The following IGFL3 variants were observed in gnomAD, a reference collection of about 807,000 sequenced individuals.
IGFL3 encodes the protein insulin growth factor-like family member 3.
In IGFL3, 12 loss-of-function variants were observed where a neutral mutation model predicts 17.0. That is an observed-to-expected ratio of 0.71 (90% CI 0.45 to 1.14). The LOEUF (loss-of-function observed/expected upper bound fraction) is 1.14. Ranked by LOEUF, IGFL3 falls within the 50% of genes most tolerant of loss-of-function variation. The probability of loss-of-function intolerance (pLI) is 0.00; values close to 1 mark genes in which losing one functional copy is unlikely to be tolerated. For synonymous variants in IGFL3, 52 were observed against 57.4 expected (o/e 0.91, Z 0.42); for missense variants, 153 against 151.6 (o/e 1.01, Z -0.05).
At chr19:46,123,826 C>G in intron 3 of IGFL3, 60 bp downstream of exon 3, 1 of 1,521,576 alleles carries the variant, frequency 6.6e-7, no homozygotes, top group Non-Finnish European at 8.9e-7. Flanking sequence ...CTCTTCAAGC[C>G]CTCTGTATCC....
rs879178151 is a variant in IGFL3 at position 46,124,341 on chromosome 19, G to C, written c.26-20C>G. ...CAAGAGCTAAGGGAGAAAGGAAAAA[G>C]GTTGAACATGGAGCTGAGAATGTGA... On this transcript the variant is annotated intron_variant, in intron 1 of 3. Transcript: ENST00000341415. The C allele has an allele frequency of 1.9e-6, 3 of 1,595,686 alleles. No homozygotes were observed. In the African/African-American group the frequency reaches 4.1e-5, roughly 22 times the overall value.
At position 46,123,996 on chromosome 19, in the gene IGFL3, C is replaced by T. The variant is rs1009215380; in HGVS notation, c.240G>A (p.Glu80=). The T allele has an allele frequency of 1.7e-5, 27 of 1,611,422 alleles. 1 individual carries two copies. The highest frequency in any genetic ancestry group is 2.2e-5 in the Non-Finnish European group (26 of 1,179,674). The change falls in exon 3 of 4, where the codon GAG becomes GAA. Residue 80 remains glutamate, a synonymous_variant. Transcript: ENST00000341415. ...GGCCAAAAGACTCGGGACAGCAGAG[C>T]TCAAAGCAGGGCCAGAAGGTGCAGG... is the stretch of plus-strand genomic sequence containing the variant. ...GSTCTFWPCF[E]LCCPESFGPQ...
intron 3 of IGFL3, among the ~76,000 whole-genome samples, chr19:46,123,526 A>T (rs1372915299): frequency 6.6e-6 from 1 of 150,854 alleles, no homozygotes; most frequent in African/African-American, 2.5e-5. Context: ...TATACTGTAT[A>T]TTATTATAAG....
chr19:46,123,770 C>A, intron 3 of IGFL3, 116 bp downstream of exon 3: 1 of 1,202,210 alleles, frequency 8.3e-7, no homozygotes, highest in Admixed American at 2.3e-5. Flanking sequence ...CCCCTGCTGC[C>A]ACCAGCCTGA....
In IGFL3 at chr19:46,120,330, T is replaced by C. The variant is rs777826347; in HGVS notation, c.378A>G (p.Ter126=). Residue 126 remains the stop codon, a stop_retained_variant, in exon 4 of 4, where the codon TAA becomes TAG. Transcript: ENST00000341415. ...CGTCTGCCAGTGGAGCCTGGGGTTT[T>C]TATGGGTACAGGACGTGCCTCCTGT... ...TRNRRHVLYP[*] 6.2e-7 allele frequency: 1 copy of C among 1,611,116 alleles called. No individual in the cohort carries two copies. Among genetic ancestry groups the C allele is most frequent in the Admixed American group, 1.7e-5 (1 of 59,630 alleles).
At chr19:46,121,514 A>G (rs1258975973) in intron 3 of IGFL3, among the ~76,000 whole-genome samples, 3 of 150,628 alleles carry the variant, frequency 2.0e-5, no homozygotes, top group Admixed American at 6.6e-5. Context: ...CACTGAGAGG[A>G]GTAGTATTTT....
chr19:46,120,489 CAGA>C, intron 3 of IGFL3, 132 bp from the exon 4 acceptor site: 1 of 1,282,262 alleles, frequency 7.8e-7, no homozygotes, highest in Non-Finnish European at 1.1e-6. Flanking sequence ...TAGATATCAA[CAGA>C]AGGACACAGT....
rs750003199 is a variant in IGFL3, at chr19:46,120,296, C to T, written c.*34G>A. 3.7e-5 allele frequency: 59 copies of T among 1,610,228 alleles called. 2 individuals are homozygous for T. In the Admixed American group the frequency reaches 9.7e-4, roughly 27 times the overall value. On this transcript the variant is annotated 3_prime_UTR_variant, in exon 4 of 4. Coordinates refer to ENST00000341415, the MANE Select transcript of IGFL3 (RefSeq NM_207393.2). ...GTCCAGCTGCTTCGTCTCTTCTCCC[C>T]TTGTCTGCCGTCTGCCAGTGGAGCC...
intron 1 of IGFL3, 71 bp downstream of exon 1, chr19:46,124,554 A>T: frequency 7.2e-7 from 1 of 1,383,952 alleles, no homozygotes; most frequent in South Asian, 1.2e-5. Flanking sequence ...AAGAGGAATA[A>T]ATCGGGTTGA....
chr19:46,123,269 A>G (rs898587408), intron 3 of IGFL3, among the ~76,000 whole-genome samples: 2 of 150,896 alleles, frequency 1.3e-5, no homozygotes, highest in Non-Finnish European at 2.9e-5. Flanking sequence ...GTTTTTCTCC[A>G]GGTATCTTAC....
Position 46,120,184 on chromosome 19 carries a change from A to G in IGFL3, c.*146T>C, listed in dbSNP as rs1266559365. Reference sequence around the variant, plus strand: ...CTTCCCCTGAAGTCTGGCCATCCCCAGCTGGGCTCCTCTCCAAAGCTATGT... The same window carrying G: ...CTTCCCCTGAAGTCTGGCCATCCCCGGCTGGGCTCCTCTCCAAAGCTATGT... On this transcript the variant is annotated 3_prime_UTR_variant, in exon 4 of 4. Transcript: ENST00000341415. 8.5e-7 allele frequency: 1 copy of G among 1,175,314 alleles called. No individual in the cohort carries two copies. The highest frequency in any genetic ancestry group is 1.6e-5 in the African/African-American group (1 of 61,522). 72.8% of individuals were successfully genotyped at this position (1,175,314 alleles called of 1,614,324 possible). A position where few individuals can be genotyped will look rare whatever the true frequency, so the allele number is the denominator to read the frequency against.
Position 46,120,424 on chromosome 19 carries a change from A to G in IGFL3, c.351-67T>C. The G allele has an allele frequency of 1.9e-6, 3 of 1,602,548 alleles. No homozygotes were observed. In the South Asian group the frequency reaches 3.3e-5, roughly 18 times the overall value. On this transcript the variant is annotated intron_variant, in intron 3 of 3. Coordinates refer to ENST00000341415, the MANE Select transcript of IGFL3 (RefSeq NM_207393.2). Reference sequence around the variant, plus strand: ...TTCTCAGGAAAAAATTATCCCCTACAAAAGCAATTTTAACAAACTTGACTT... The same window carrying G: ...TTCTCAGGAAAAAATTATCCCCTACGAAAGCAATTTTAACAAACTTGACTT...
In IGFL3 at chr19:46,124,683, A is replaced by C; in HGVS notation, c.-34T>G. ...AGATGCTCTAGGAGAATTGAAGAAG[A>C]GTGGTAAAAGGCTGGAACTTATGGA... On this transcript the variant is annotated 5_prime_UTR_variant, in exon 1 of 4. Coordinates refer to ENST00000341415, the MANE Select transcript of IGFL3 (RefSeq NM_207393.2). 1 of 1,597,534 alleles carries C rather than the reference A, an allele frequency of 6.3e-7. No individual in the cohort carries two copies. The highest frequency in any genetic ancestry group is 2.3e-5 in the East Asian group (1 of 44,236).
intron 3 of IGFL3, among the ~76,000 whole-genome samples, chr19:46,120,644 G>A (rs1971709289): frequency 6.6e-6 from 1 of 150,908 alleles, no homozygotes; most frequent in Non-Finnish European, 1.5e-5. Flanking sequence ...CAATGCAATA[G>A]AAATCTGAAA....
At chr19:46,122,539 A>G (rs1448026724) in intron 3 of IGFL3, among the ~76,000 whole-genome samples, 4 of 151,076 alleles carry the variant, frequency 2.6e-5, no homozygotes, top group South Asian at 2.1e-4. Context: ...TTTTAGCACA[A>G]GGACTTTAGA....
chr19:46,121,287 C>CCGAG (rs775095032), intron 3 of IGFL3, among the ~76,000 whole-genome samples: 24 of 149,190 alleles, frequency 1.6e-4, no homozygotes, highest in Non-Finnish European at 3.2e-4. Flanking sequence ...ACTCAGGAGA[C>CCGAG]CGAGGTAGGA....
Position 46,120,203 on chromosome 19 carries a change from G to A in IGFL3, c.*127C>T, listed in dbSNP as rs1288061081. 6 of 1,410,900 alleles carry A rather than the reference G, an allele frequency of 4.3e-6. No homozygotes were observed. In the African/African-American group the frequency reaches 4.5e-5, roughly 10 times the overall value. The allele number at this position is 1,410,900 out of a possible 1,614,324, so 87.4% of individuals were successfully genotyped here. A position where few individuals can be genotyped will look rare whatever the true frequency, so the allele number is the denominator to read the frequency against. On this transcript the variant is annotated 3_prime_UTR_variant, in exon 4 of 4. Transcript: ENST00000341415. ...ATCCCCAGCTGGGCTCCTCTCCAAAGCTATGTCATTGAGCCATCCCTCTGA... is the reference window on the plus strand; with the variant it reads ...ATCCCCAGCTGGGCTCCTCTCCAAAACTATGTCATTGAGCCATCCCTCTGA...
rs1363479267 is a variant in IGFL3 at position 46,124,270 on chromosome 19, G to A, written c.77C>T (p.Thr26Ile). 2 of 1,610,628 alleles carry A rather than the reference G, an allele frequency of 1.2e-6. No homozygotes were observed. Among genetic ancestry groups the A allele is most frequent in the Non-Finnish European group, 1.7e-6 (2 of 1,179,036 alleles). ...ATTTTTCCCTGTCCTGTCCTTACCT[G>A]TAGTTCCTTTTGAACACTGGAGGAG... is the stretch of plus-strand genomic sequence containing the variant. ...VFLLQCSKGTTDAPVGSGLWL... is the reference protein window; with the variant it reads ...VFLLQCSKGTIDAPVGSGLWL... Residue 26 changes from threonine (T) to isoleucine (I), a missense_variant and splice_region_variant, in exon 2 of 4, where the codon ACA becomes ATA. Coordinates refer to ENST00000341415, the MANE Select transcript of IGFL3 (RefSeq NM_207393.2).
chr19:46,123,727 A>G (rs1342396899), intron 3 of IGFL3, among the ~76,000 whole-genome samples, 159 bp downstream of exon 3: 1 of 150,822 alleles, frequency 6.6e-6, no homozygotes, highest in Non-Finnish European at 1.5e-5. Flanking sequence ...AGAAAGGCAG[A>G]CTTATAGCTT....
Sources: allele counts gnomAD v4.1 joint callset (sites outside exome capture counted in the v4.1 genomes callset), GRCh38; gene constraint gnomAD v4.1.1; transcripts MANE v1.5; gene names NCBI Gene and HGNC (gene_info 2026-07-23, HGNC 2026-07-21).